FRRS1: variants seen among roughly 807,000 people sequenced by gnomAD.
FRRS1 encodes ferric reductase 1.
In FRRS1, 51 loss-of-function variants were observed where a neutral mutation model predicts 70.7. The observed-to-expected ratio is 0.72, with a 90% CI of 0.58 to 0.91. The LOEUF is 0.91. Among genes scored for constraint, FRRS1 ranks in the 40% least tolerant of loss-of-function variants. The pLI is 0.00. For missense variants in FRRS1, 672 were observed against 726.0 expected, an observed-to-expected ratio of 0.93 and a Z score of 0.86; for synonymous variants, 225 against 238.7, an observed-to-expected ratio of 0.94 and a Z score of 0.53.
intron 9 of FRRS1, among the ~76,000 whole-genome samples, chr1:99,725,951 T>C (rs532716765): frequency 2.6e-5 from 4 of 152,204 alleles, no homozygotes; most frequent in Non-Finnish European, 5.9e-5. Context: ...AAGAAATCCA[T>C]TTGAATCAAT....
At chr1:99,751,175 T>C (rs1280909568) in intron 1 of FRRS1, among the ~76,000 whole-genome samples, 4 of 152,090 alleles carry the variant, frequency 2.6e-5, no homozygotes, top group African/African-American at 9.7e-5. Flanking sequence ...AGGTTCCTGG[T>C]CCTGGGGCCT....
intron 4 of FRRS1, among the ~76,000 whole-genome samples, chr1:99,745,784 T>C (rs567362651): frequency 6.6e-6 from 1 of 152,306 alleles, no homozygotes; most frequent in Admixed American, 6.5e-5. Context: ...AGGTGGGAAC[T>C]GGTGGGAGGT....
rs1653981148 is a variant in FRRS1 at position 99,704,567 on chromosome 1, T to A, written c.*4461A>T. 6.6e-6 allele frequency among the ~76,000 whole-genome samples: 1 copy of A among 152,078 alleles called. No individual in the cohort carries two copies. The highest frequency in any genetic ancestry group is 1.5e-5 in the Non-Finnish European group (1 of 68,006). ...TAAGTGAGGACAGGCACCCCTGCCT[T>A]CAGCGCCCAAATGTTGCATTTCCTA... On this transcript the variant is annotated 3_prime_UTR_variant, in exon 17 of 17. Coordinates refer to ENST00000646001, the MANE Select transcript of FRRS1 (RefSeq NM_001361041.2).
At chr1:99,729,805 T>C in intron 7 of FRRS1, 57 bp from the exon 8 acceptor site, 1 of 1,192,044 alleles carries the variant, frequency 8.4e-7, no homozygotes, top group Non-Finnish European at 1.2e-6. Context: ...CATTTTATTT[T>C]CTCTTTTTAA....
At chr1:99,754,144 G>C (rs1453299742) in intron 1 of FRRS1, among the ~76,000 whole-genome samples, 1 of 152,126 alleles carries the variant, frequency 6.6e-6, no homozygotes, top group African/African-American at 2.4e-5. Flanking sequence ...GAACTAAATG[G>C]AGAAATAGAT....
intron 7 of FRRS1, among the ~76,000 whole-genome samples, chr1:99,734,682 A>G (rs1195024943): frequency 1.3e-5 from 2 of 152,230 alleles, no homozygotes; most frequent in Non-Finnish European, 2.9e-5. Flanking sequence ...GTGTTTATAA[A>G]TTGCCTAGGA....
In FRRS1 at chr1:99,719,566, C is replaced by A; in HGVS notation, c.1088G>T (p.Gly363Val). ...DVTDSPKNIGGSHSVLLLKVH... is the reference protein window; with the variant it reads ...DVTDSPKNIGVSHSVLLLKVH... ...CTTCAGAAGGAGTACAGAATGGGATCCTCCTATGTTCTTTGGAGAGTCTGT... is the reference window on the plus strand; with the variant it reads ...CTTCAGAAGGAGTACAGAATGGGATACTCCTATGTTCTTTGGAGAGTCTGT... The change falls in exon 10 of 17, where the codon GGA (glycine) becomes GTA (valine). Residue 363 changes from glycine to valine, a missense_variant. Coordinates refer to ENST00000646001, the MANE Select transcript of FRRS1 (RefSeq NM_001361041.2). The A allele has an allele frequency of 6.2e-7, 1 of 1,603,036 alleles. No individual in the cohort carries two copies. The highest frequency in any genetic ancestry group is 8.5e-7 in the Non-Finnish European group (1 of 1,170,198).
intron 1 of FRRS1, among the ~76,000 whole-genome samples, chr1:99,763,738 C>T (rs1185566719): frequency 6.6e-6 from 1 of 151,778 alleles, no homozygotes; most frequent in East Asian, 1.9e-4. Flanking sequence ...CTTGGGGGTG[C>T]ATGCCTGTAA....
At chr1:99,732,316 C>A (rs537660895) in intron 7 of FRRS1, among the ~76,000 whole-genome samples, 2 of 152,254 alleles carry the variant, frequency 1.3e-5, no homozygotes, top group South Asian at 4.1e-4. Flanking sequence ...GCTCTCTCCC[C>A]AGTTTGCCCC....
intron 7 of FRRS1, among the ~76,000 whole-genome samples, chr1:99,732,871 T>A (rs529344104): frequency 2.8e-4 from 42 of 150,960 alleles, no homozygotes; most frequent in African/African-American, 1.0e-3. Context: ...TGAGGCAGGA[T>A]CTTGTTCTGT....
At position 99,706,223 on chromosome 1, in the gene FRRS1, C is replaced by CA. The variant is rs564004968; in HGVS notation, c.*2804_*2805insT. ...GCAACAAAGGGAGATCCCTTCTCTA[C>CA]CAAAAAAAAAAAAAAATTTTTTTTT... is the stretch of plus-strand genomic sequence containing the variant. On this transcript the variant is annotated 3_prime_UTR_variant, in exon 17 of 17. Transcript: ENST00000646001. 0.095 allele frequency among the ~76,000 whole-genome samples: 14,078 copies of CA among 147,850 alleles called. 1,261 individuals are homozygous for CA. The highest frequency in any genetic ancestry group is 0.24 in the African/African-American group (9,280 of 39,444).
chr1:99,714,791 G>C (rs1016390518), intron 12 of FRRS1, among the ~76,000 whole-genome samples: 2 of 152,142 alleles, frequency 1.3e-5, no homozygotes, highest in African/African-American at 2.4e-5. Context: ...GGTGGCAGTG[G>C]GTAGAACAGG....
intron 7 of FRRS1, among the ~76,000 whole-genome samples, chr1:99,730,668 C>T (rs146092953): frequency 0.01 from 1,571 of 152,152 alleles, 9 homozygotes; most frequent in Non-Finnish European, 0.017. Flanking sequence ...GAGATCCAGA[C>T]CATCCTGGCT....
At position 99,728,404 on chromosome 1, in the gene FRRS1, C is replaced by T. The variant is rs372046312; in HGVS notation, c.1006+89G>A. On this transcript the variant is annotated intron_variant, in intron 9 of 16. Transcript: ENST00000646001. The stretch of plus-strand genomic sequence containing the variant: ...GGAAAGCGTGTGCCTTAAAAACGGG[C>T]AATTACAGTAGTTTTTCCAAAAATG... 3.1e-5 allele frequency: 34 copies of T among 1,094,654 alleles called. No individual in the cohort carries two copies. In the East Asian group the frequency reaches 8.3e-4, roughly 27 times the overall value. 67.8% of individuals were successfully genotyped at this position (1,094,654 alleles called of 1,614,324 possible). A position where few individuals can be genotyped will look rare whatever the true frequency, so the allele number is the denominator to read the frequency against.
rs1293428585 is a variant in FRRS1 at position 99,704,560 on chromosome 1, C to T, written c.*4468G>A. ...ACGGGTCTAAGTGAGGACAGGCACC[C>T]CTGCCTTCAGCGCCCAAATGTTGCA... On this transcript the variant is annotated 3_prime_UTR_variant, in exon 17 of 17. Transcript: ENST00000646001. 6.6e-6 allele frequency among the ~76,000 whole-genome samples: 1 copy of T among 152,142 alleles called. No individual in the cohort carries two copies. Among genetic ancestry groups the T allele is most frequent in the African/African-American group, 2.4e-5 (1 of 41,432 alleles).
At chr1:99,753,218 T>TA (rs766253857) in intron 1 of FRRS1, among the ~76,000 whole-genome samples, 105 of 81,006 alleles carry the variant, frequency 1.3e-3, no homozygotes, top group East Asian at 1.8e-3. Context: ...TGTCTCGATT[T>TA]AAAAAAAAAA....
chr1:99,752,081 C>T (rs1195201241), intron 1 of FRRS1, among the ~76,000 whole-genome samples: 4 of 152,170 alleles, frequency 2.6e-5, no homozygotes, highest in East Asian at 1.9e-4. Flanking sequence ...CTGGATTAGA[C>T]TTTGGCTTAA....
chr1:99,740,239 T>C (rs1350806446), intron 6 of FRRS1, among the ~76,000 whole-genome samples: 1 of 152,194 alleles, frequency 6.6e-6, no homozygotes, highest in East Asian at 1.9e-4. Context: ...TATTGCTTCA[T>C]CAGATTTATT....
chr1:99,715,468 GGAAA>G lies in FRRS1; in HGVS notation c.1323+114_1323+117del, dbSNP rs1011600926. On this transcript the variant is annotated intron_variant, in intron 12 of 16. Transcript: ENST00000646001. ...AGAGAGCCATCCAATGATTCAAAAG[GGAAA>G]GAAAGAGGGATCAATGCTGAAATAT... 3.2e-5 allele frequency: 21 copies of G among 649,400 alleles called. No homozygotes were observed. In the East Asian group the frequency reaches 4.2e-4, roughly 13 times the overall value. 40.2% of individuals were successfully genotyped at this position (649,400 alleles called of 1,614,324 possible).
Sources: allele counts gnomAD v4.1 joint callset (sites outside exome capture counted in the v4.1 genomes callset), GRCh38; gene constraint gnomAD v4.1.1; transcripts MANE v1.5; gene names NCBI Gene and HGNC (gene_info 2026-07-23, HGNC 2026-07-21).